KIAA0825: variants seen among roughly 807,000 people sequenced by gnomAD.
KIAA0825 encodes KIAA0825.
A neutral mutation model predicts 147.6 loss-of-function variants in KIAA0825; 119 were observed. The ratio of observed to expected loss-of-function variants is 0.81; its 90% confidence interval spans 0.69 to 0.94. KIAA0825 has a LOEUF of 0.94. KIAA0825 is among the 40% of genes least tolerant of loss of function. The pLI is 0.00. For missense variants in KIAA0825, 1,381 were observed against 1,472.7 expected, an observed-to-expected ratio of 0.94 and a Z score of 1.02; for synonymous variants, 470 against 518.1, an observed-to-expected ratio of 0.91 and a Z score of 1.26.
rs181513626 is a variant in KIAA0825 at position 94,548,542 on chromosome 5, T to C, written c.-1-11415A>G. On this transcript the variant is annotated intron_variant, in intron 2 of 20. Coordinates refer to ENST00000682413, the MANE Select transcript of KIAA0825 (RefSeq NM_001145678.3). ...AACAACCAGAAAACAAACAATAAAA[T>C]AGCAAGAGTAAGTCCTTACTTATCA... is the stretch of plus-strand genomic sequence containing the variant. Among the ~76,000 whole-genome samples the C allele has an allele frequency of 1.0e-3, 155 of 152,072 alleles. 1 individual carries two copies. The highest frequency in any genetic ancestry group is 3.4e-3 in the African/African-American group (141 of 41,464).
intron 20 of KIAA0825, among the ~76,000 whole-genome samples, chr5:94,292,683 A>G (rs1355519694): frequency 6.6e-6 from 1 of 152,198 alleles, no homozygotes; most frequent in South Asian, 2.1e-4. Flanking sequence ...TAGTTTCAGA[A>G]GGAATGGTAT....
chr5:94,466,814 T>C (rs1178796999), intron 10 of KIAA0825, among the ~76,000 whole-genome samples: 3 of 151,766 alleles, frequency 2.0e-5, no homozygotes, highest in African/African-American at 7.3e-5. Context: ...TAGTTTCTTA[T>C]GCTTTCTTTG....
chr5:94,532,813 C>T, intron 3 of KIAA0825, among the ~76,000 whole-genome samples: 1 of 144,956 alleles, frequency 6.9e-6, no homozygotes. Context: ...GAGATTACAT[C>T]TTTCTTTAGA....
intron 20 of KIAA0825, among the ~76,000 whole-genome samples, chr5:94,276,888 A>G (rs1183724562): frequency 3.9e-5 from 6 of 152,026 alleles, no homozygotes; most frequent in African/African-American, 1.4e-4. Flanking sequence ...ATAAAATGAG[A>G]ATTCTTTTCC....
chr5:94,349,306 A>ATGG (rs1451886874), intron 20 of KIAA0825, among the ~76,000 whole-genome samples: 1 of 152,188 alleles, frequency 6.6e-6, no homozygotes, highest in Admixed American at 6.5e-5. Context: ...ACAATTACTA[A>ATGG]TGGACCTAAG....
intron 5 of KIAA0825, among the ~76,000 whole-genome samples, chr5:94,495,381 G>C (rs1453994212): frequency 6.6e-6 from 1 of 152,172 alleles, no homozygotes; most frequent in Non-Finnish European, 1.5e-5. Flanking sequence ...ATACGACTTT[G>C]CAGCCCCTTG....
chr5:94,388,187 A>G (rs1749427838), intron 18 of KIAA0825, among the ~76,000 whole-genome samples: 1 of 152,160 alleles, frequency 6.6e-6, no homozygotes, highest in African/African-American at 2.4e-5. Context: ...TGTGCAGTTC[A>G]CAATAGGGTT....
Position 94,154,029 on chromosome 5 carries a change from G to A in KIAA0825, c.3806C>T (p.Ser1269Leu). 6.4e-7 allele frequency: 1 copy of A among 1,551,262 alleles called. No homozygotes were observed. Among genetic ancestry groups the A allele is most frequent in the African/African-American group, 1.4e-5 (1 of 73,164 alleles). ...AGATTACTGTTCCTCTATGTTATCT[G>A]AGGCAGAAGAGTTCTGTGGGGTGCA... is the stretch of plus-strand genomic sequence containing the variant. ...QICTPQNSSA[S>L]DNIEEQ The change falls in exon 21 of 21, where the codon TCA becomes TTA. Residue 1269 changes from serine (S) to leucine (L), a missense_variant. Transcript: ENST00000682413.
intron 1 of KIAA0825, chr5:94,611,812 G>A (rs935895664): frequency 6.6e-6 from 1 of 151,854 alleles, no homozygotes; most frequent in African/African-American, 2.4e-5. Context: ...TTTACATAGT[G>A]GTGCATACCT....
At chr5:94,437,278 T>A (rs1756501073) in intron 14 of KIAA0825, among the ~76,000 whole-genome samples, 1 of 152,178 alleles carries the variant, frequency 6.6e-6, no homozygotes, top group Admixed American at 6.5e-5. Context: ...CATGAATATA[T>A]TGTTTCTAAT....
Position 94,436,111 on chromosome 5 carries a change from C to A in KIAA0825, c.2497+3871G>T, listed in dbSNP as rs572795191. 6.6e-5 allele frequency among the ~76,000 whole-genome samples: 10 copies of A among 152,228 alleles called. No individual in the cohort carries two copies. The East Asian group carries it at 1.9e-3, about 29-fold the overall frequency. On this transcript the variant is annotated intron_variant, in intron 14 of 20. Transcript: ENST00000682413. ...TCTGTTGACAGCTTCTTTTGCTGTG[C>A]AGAATCTCTTTAGTTCAATTAGATT...
chr5:94,553,307 G>A (rs2152265713), intron 2 of KIAA0825, among the ~76,000 whole-genome samples: 1 of 151,970 alleles, frequency 6.6e-6, no homozygotes, highest in South Asian at 2.1e-4. Flanking sequence ...GGGCATGGTG[G>A]TTGGCGCTTG....
chr5:94,559,143 C>T (rs1436968778), intron 2 of KIAA0825, among the ~76,000 whole-genome samples: 2 of 151,556 alleles, frequency 1.3e-5, no homozygotes, highest in Non-Finnish European at 3.0e-5. Context: ...AAGGATATTA[C>T]TTTTTCTTCC....
Position 94,329,234 on chromosome 5 carries a change from A to G in KIAA0825, c.3710+55134T>C, listed in dbSNP as rs572325897. ...GAAACAAACTAAAGATAAAAGATAT[A>G]AGATATGGAAAGCACTGAAAGCGAT... is the stretch of plus-strand genomic sequence containing the variant. On this transcript the variant is annotated intron_variant, in intron 20 of 20. Coordinates refer to ENST00000682413, the MANE Select transcript of KIAA0825 (RefSeq NM_001145678.3). 2.0e-5 allele frequency among the ~76,000 whole-genome samples: 3 copies of G among 152,262 alleles called. No individual in the cohort carries two copies. In the East Asian group the frequency reaches 5.8e-4, roughly 29 times the overall value.
At chr5:94,318,889 A>AT (rs1200445342) in intron 20 of KIAA0825, among the ~76,000 whole-genome samples, 2 of 151,766 alleles carry the variant, frequency 1.3e-5, no homozygotes, top group South Asian at 2.1e-4. Context: ...CTGAAGACGG[A>AT]TTTTTTTCTT....
At chr5:94,474,028 A>G (rs1291322820) in intron 7 of KIAA0825, among the ~76,000 whole-genome samples, 1 of 152,188 alleles carries the variant, frequency 6.6e-6, no homozygotes, top group African/African-American at 2.4e-5. Context: ...TAAGAAATAA[A>G]TTTCTCAGAG....
intron 20 of KIAA0825, among the ~76,000 whole-genome samples, chr5:94,304,391 G>A (rs1778591401): frequency 6.6e-6 from 1 of 152,062 alleles, no homozygotes. Flanking sequence ...CCTGGCAAGA[G>A]AGGGAATAAT....
chr5:94,313,000 C>T lies in KIAA0825; in HGVS notation c.3710+71368G>A, dbSNP rs985463937. ...TCAACATTGAAAATACATAAGTATA[C>T]ATTACATTCTACATTTTCTAATCAA... On this transcript the variant is annotated intron_variant, in intron 20 of 20. Coordinates refer to ENST00000682413, the MANE Select transcript of KIAA0825 (RefSeq NM_001145678.3). Among the ~76,000 whole-genome samples the T allele has an allele frequency of 1.9e-4, 29 of 151,520 alleles. No homozygotes were observed. The Admixed American group carries it at 1.9e-3, about 10-fold the overall frequency.
intron 15 of KIAA0825, among the ~76,000 whole-genome samples, chr5:94,405,873 C>T (rs553624461): frequency 3.9e-5 from 6 of 152,216 alleles, no homozygotes; most frequent in African/African-American, 1.2e-4. Context: ...AGTTAGCACC[C>T]AAGCTTCTGA....
Sources: gnomAD v4.1 joint callset for allele counts (sites outside exome capture counted in the v4.1 genomes callset) on GRCh38, gnomAD v4.1.1 for gene constraint, MANE v1.5 for transcripts, NCBI Gene and HGNC (gene_info 2026-07-23, HGNC 2026-07-21) for gene names.